Variants in DTD2 observed in about 807,000 individuals in gnomAD.
DTD2 encodes the protein D-aminoacyl-tRNA deacylase 2.
Under a neutral mutation model 15.5 loss-of-function variants are expected in DTD2, and 12 were observed. The observed-to-expected ratio is 0.77, with a 90% CI of 0.50 to 1.25. DTD2 has a LOEUF of 1.25. Ranked by LOEUF, DTD2 falls within the 50% of genes most tolerant of loss-of-function variation. The pLI, the probability that DTD2 is intolerant of heterozygous loss-of-function variation, is 0.00. For synonymous variants in DTD2, 59 were observed against 77.3 expected, an observed-to-expected ratio of 0.76 and a Z score of 1.24; for missense variants, 170 against 201.1, an observed-to-expected ratio of 0.85 and a Z score of 0.93.
At chr14:31,455,475 C>T (rs1156592328) in intron 1 of DTD2, among the ~76,000 whole-genome samples, 15 of 131,080 alleles carry the variant, frequency 1.1e-4, no homozygotes, top group African/African-American at 1.5e-4. Context: ...GGCGTGAACC[C>T]GGGAGGCGGA....
rs376668876 is a variant in DTD2, at chr14:31,448,301, T to C, written c.335A>G (p.Lys112Arg). The change falls in exon 3 of 3, where the codon AAA (lysine) becomes AGA (arginine). Residue 112 changes from lysine (K) to arginine (R), a missense_variant. Transcript: ENST00000310850. ...AGAGTAAAGTTCAAACCCTTCTTCTTTTCCAGAGTTAGAGTGATATTGCAT... is the reference window on the plus strand; with the variant it reads ...AGAGTAAAGTTCAAACCCTTCTTCTCTTCCAGAGTTAGAGTGATATTGCAT... ...RNMQYHSNSG[K>R]EEGFELYSQF... is the part of the protein sequence containing the mutation. 24 of 1,614,048 alleles carry C rather than the reference T, an allele frequency of 1.5e-5. No homozygotes were observed. Among genetic ancestry groups the C allele is most frequent in the Non-Finnish European group, 1.8e-5 (21 of 1,180,036 alleles).
At chr14:31,449,207 A>G (rs1042041409) in intron 2 of DTD2, among the ~76,000 whole-genome samples, 6 of 152,178 alleles carry the variant, frequency 3.9e-5, no homozygotes, top group Non-Finnish European at 8.8e-5. Context: ...TCTTCTTTAT[A>G]ATGGAATATC....
chr14:31,450,400 T>C (rs2032017618), intron 2 of DTD2, among the ~76,000 whole-genome samples: 1 of 152,258 alleles, frequency 6.6e-6, no homozygotes, highest in East Asian at 1.9e-4. Context: ...ACAGGTTTCT[T>C]GCCCTCTCTG....
chr14:31,454,841 G>C (rs966460919), intron 1 of DTD2, among the ~76,000 whole-genome samples: 17 of 152,034 alleles, frequency 1.1e-4, no homozygotes, highest in Admixed American at 3.9e-4. Context: ...TCACTTACCA[G>C]GAACAAAAAC....
At chr14:31,457,193 G>A in intron 1 of DTD2, 90 bp downstream of exon 1, 3 of 1,232,940 alleles carry the variant, frequency 2.4e-6, no homozygotes, top group Non-Finnish European at 3.4e-6. Flanking sequence ...GGTCTCAGAG[G>A]GAGACACAGA....
At chr14:31,457,168 C>T in intron 1 of DTD2, 115 bp downstream of exon 1, 2 of 1,017,872 alleles carry the variant, frequency 2.0e-6, no homozygotes, top group Non-Finnish European at 2.9e-6. Context: ...CCGGTATCCC[C>T]GCGGCCGGAC....
intron 1 of DTD2, among the ~76,000 whole-genome samples, chr14:31,453,852 T>A (rs1199232733): frequency 1.3e-5 from 2 of 152,242 alleles, no homozygotes; most frequent in Admixed American, 6.5e-5. Flanking sequence ...CAGGAAACTG[T>A]CCAATTATTT....
At chr14:31,456,993 T>G in intron 1 of DTD2, 1 of 454,282 alleles carries the variant, frequency 2.2e-6, no homozygotes, top group African/African-American at 2.0e-5. Context: ...TCTGAGACAG[T>G]AAGGCCTGAA....
chr14:31,456,971 A>C, intron 1 of DTD2: 1 of 391,032 alleles, frequency 2.6e-6, no homozygotes. Flanking sequence ...ATAGACCACG[A>C]GCTGCAAGGG....
chr14:31,452,511 G>A (rs2032048451), intron 2 of DTD2: 1 of 152,102 alleles, frequency 6.6e-6, no homozygotes, highest in Admixed American at 6.5e-5. Flanking sequence ...CTTTGAAACA[G>A]GCAAATAGCT....
At chr14:31,449,775 A>G (rs1447723107) in intron 2 of DTD2, among the ~76,000 whole-genome samples, 1 of 152,216 alleles carries the variant, frequency 6.6e-6, no homozygotes, top group Non-Finnish European at 1.5e-5. Context: ...ACCTGCCCTC[A>G]AATTAGGCAT....
At chr14:31,453,662 A>G (rs1234787792) in intron 1 of DTD2, among the ~76,000 whole-genome samples, 2 of 152,220 alleles carry the variant, frequency 1.3e-5, no homozygotes, top group African/African-American at 2.4e-5. Flanking sequence ...ACAGACTTAG[A>G]AACATTTCGT....
At chr14:31,457,040 C>A (rs1052878149) in intron 1 of DTD2, 1 of 552,790 alleles carries the variant, frequency 1.8e-6, no homozygotes, top group South Asian at 2.1e-5. Flanking sequence ...TGTGGTCCCC[C>A]CAAGAAGGGA....
At chr14:31,453,581 T>C (rs377015159) in intron 1 of DTD2, among the ~76,000 whole-genome samples, 66 of 152,330 alleles carry the variant, frequency 4.3e-4, no homozygotes, top group African/African-American at 1.5e-3. Flanking sequence ...GAAGACAAGT[T>C]ATACCTTCAA....
In DTD2 at chr14:31,457,504, A is replaced by C. The variant is rs1196737724; in HGVS notation, c.-111T>G. On this transcript the variant is annotated 5_prime_UTR_variant, in exon 1 of 3. Transcript: ENST00000310850. ...GGGGCACGACGAAGGGCCTGCGCCG[A>C]TTGCCCAGTGGCCCCGCCCTTAGGA... 4.1e-6 allele frequency: 3 copies of C among 740,124 alleles called. No individual in the cohort carries two copies. The highest frequency in any genetic ancestry group is 6.1e-6 in the Non-Finnish European group (3 of 491,196). 45.8% of individuals were successfully genotyped at this position (740,124 alleles called of 1,614,324 possible). A position where few individuals can be genotyped will look rare whatever the true frequency, so the allele number is the denominator to read the frequency against.
chr14:31,453,398 AG>A, intron 1 of DTD2, 54 bp from the exon 2 acceptor site: 1 of 1,468,514 alleles, frequency 6.8e-7, no homozygotes, highest in South Asian at 1.1e-5. Context: ...GTAAAGATAC[AG>A]GGCTAAATGG....
chr14:31,448,516 A>G (rs925526163), intron 2 of DTD2, 62 bp from the exon 3 acceptor site: 1 of 1,438,506 alleles, frequency 7.0e-7, no homozygotes, highest in Admixed American at 2.2e-5. Context: ...AAAACCATCA[A>G]GTTTTTAGTC....
chr14:31,449,031 C>G (rs2031997793), intron 2 of DTD2, among the ~76,000 whole-genome samples: 2 of 152,050 alleles, frequency 1.3e-5, no homozygotes, highest in Admixed American at 6.5e-5. Context: ...GTAGCTGGGA[C>G]TACAGGTGCG....
chr14:31,452,968 C>A, intron 2 of DTD2: 1 of 176,694 alleles, frequency 5.7e-6, no homozygotes, highest in Non-Finnish European at 1.1e-5. Flanking sequence ...GACAGGGTCT[C>A]ACTCTGTTGC....
Sources: gnomAD v4.1 joint callset for allele counts (sites outside exome capture counted in the v4.1 genomes callset) on GRCh38, gnomAD v4.1.1 for gene constraint, MANE v1.5 for transcripts, NCBI Gene and HGNC (gene_info 2026-07-23, HGNC 2026-07-21) for gene names.